The following ITGA1 variants were observed in gnomAD, a reference collection of about 807,000 sequenced individuals.
ITGA1 encodes the protein integrin alpha-1.
In ITGA1, 85 loss-of-function variants were observed where a neutral mutation model predicts 145.9. The ratio of observed to expected loss-of-function variants is 0.58; its 90% CI spans 0.49 to 0.70. The LOEUF is 0.70. ITGA1 is among the 30% of genes least tolerant of loss of function. The probability of loss-of-function intolerance (pLI) is 0.00; values close to 1 mark genes in which losing one functional copy is unlikely to be tolerated. For synonymous variants in ITGA1, 520 were observed against 495.3 expected, an observed-to-expected ratio of 1.05 and a Z score of -0.66; for missense variants, 1,351 against 1,418.7, an observed-to-expected ratio of 0.95 and a Z score of 0.77.
At chr5:52,837,519 TC>T (rs750478272) in intron 1 of ITGA1, among the ~76,000 whole-genome samples, 6 of 152,146 alleles carry the variant, frequency 3.9e-5, no homozygotes, top group Non-Finnish European at 5.9e-5. Flanking sequence ...TATTTTTTCC[TC>T]CCCTTCTCCC....
At chr5:52,869,252 C>T (rs1405957489) in intron 6 of ITGA1, among the ~76,000 whole-genome samples, 1 of 152,190 alleles carries the variant, frequency 6.6e-6, no homozygotes, top group Non-Finnish European at 1.5e-5. Flanking sequence ...CCTCCACCTT[C>T]TGGGTTCAAG....
intron 5 of ITGA1, 122 bp from the exon 6 acceptor site, chr5:52,865,568 G>A: frequency 1.4e-6 from 1 of 720,664 alleles, no homozygotes; most frequent in South Asian, 4.1e-5. Flanking sequence ...CTAAAACAAT[G>A]TGTCTACTTT....
Position 52,864,830 on chromosome 5 carries a change from C to A in ITGA1, c.363C>A (p.Thr121=). 6.2e-7 allele frequency: 1 copy of A among 1,610,200 alleles called. No homozygotes were observed. Among genetic ancestry groups the A allele is most frequent in the Non-Finnish European group, 8.5e-7 (1 of 1,176,818 alleles). Residue 121 remains threonine, a synonymous_variant, in exon 4 of 29, where the codon ACC becomes ACA. Transcript: ENST00000282588. ...TGACATTTGGATCAACTTTAGTCACCAACCCAAATGGAGGATTTCTGGTAA... is the reference window on the plus strand; with the variant it reads ...TGACATTTGGATCAACTTTAGTCACAAACCCAAATGGAGGATTTCTGGTAA... ...ENMTFGSTLV[T]NPNGGFLACG... is the part of the protein sequence containing the mutation.
At chr5:52,897,286 G>A (rs1750241114) in intron 9 of ITGA1, among the ~76,000 whole-genome samples, 169 bp from the exon 10 acceptor site, 1 of 152,144 alleles carries the variant, frequency 6.6e-6, no homozygotes, top group Admixed American at 6.5e-5. Context: ...TTCTACCCAG[G>A]CCTACCTAGA....
chr5:52,880,997 T>C (rs1233557890), intron 6 of ITGA1, among the ~76,000 whole-genome samples: 1 of 152,170 alleles, frequency 6.6e-6, no homozygotes, highest in Non-Finnish European at 1.5e-5. Flanking sequence ...CTGGGGGCAC[T>C]TTCCCTCCTG....
chr5:52,793,957 A>G (rs547326830), intron 1 of ITGA1, among the ~76,000 whole-genome samples: 36 of 152,224 alleles, frequency 2.4e-4, no homozygotes, highest in African/African-American at 7.2e-4. Context: ...ATATAGGAAG[A>G]AGACTAATTT....
At chr5:52,872,360 C>T (rs1371292510) in intron 6 of ITGA1, among the ~76,000 whole-genome samples, 1 of 152,076 alleles carries the variant, frequency 6.6e-6, no homozygotes, top group Admixed American at 6.6e-5. Flanking sequence ...AGCCTCTAGT[C>T]TCCATTCTCC....
chr5:52,915,511 G>A lies in ITGA1; in HGVS notation c.1905G>A (p.Gln635=), dbSNP rs1233865561. 22 of 1,613,932 alleles carry A rather than the reference G, an allele frequency of 1.4e-5. No individual in the cohort carries two copies. Among genetic ancestry groups the A allele is most frequent in the Middle Eastern group, 3.3e-4 (2 of 6,084 alleles). ...GDGKTLKFFG[Q]SIHGEMDLNG... ...GTAAGACACTGAAATTTTTTGGCCAGTCTATCCACGGAGAAATGGATTTAA... is the reference window on the plus strand; with the variant it reads ...GTAAGACACTGAAATTTTTTGGCCAATCTATCCACGGAGAAATGGATTTAA... Residue 635 remains glutamine, a synonymous_variant, in exon 15 of 29, where the codon CAG becomes CAA. Coordinates refer to ENST00000282588, the MANE Select transcript of ITGA1 (RefSeq NM_181501.2).
At chr5:52,803,277 A>G (rs1053091342) in intron 1 of ITGA1, 112 of 152,294 alleles carry the variant, frequency 7.4e-4, no homozygotes, top group African/African-American at 2.3e-3. Flanking sequence ...TTGTACATCT[A>G]TCTCCTAATT....
chr5:52,906,016 C>T (rs992119672), intron 12 of ITGA1, 108 bp downstream of exon 12: 15 of 902,300 alleles, frequency 1.7e-5, no homozygotes, highest in Middle Eastern at 3.5e-4. Flanking sequence ...TATTCAGTAA[C>T]AACTGGGAAC....
chr5:52,910,449 C>T (rs780362929), intron 14 of ITGA1, 30 bp downstream of exon 14: 26 of 1,598,328 alleles, frequency 1.6e-5, no homozygotes, highest in Non-Finnish European at 2.1e-5. Flanking sequence ...GATTCCCACC[C>T]TTCAGTGATA....
At chr5:52,869,467 G>A (rs556091084) in intron 6 of ITGA1, among the ~76,000 whole-genome samples, 1 of 152,248 alleles carries the variant, frequency 6.6e-6, no homozygotes, top group African/African-American at 2.4e-5. Context: ...GGCCCCATAT[G>A]ATTCTTAAAC....
At chr5:52,891,339 T>A (rs33980183) in intron 8 of ITGA1, among the ~76,000 whole-genome samples, 69,856 of 149,620 alleles carry the variant, frequency 0.47, 16,739 homozygotes, top group East Asian at 0.58. Flanking sequence ...TCACTTAGAT[T>A]GCCAATTCTT....
At chr5:52,884,757 C>T (rs1392918263) in intron 7 of ITGA1, among the ~76,000 whole-genome samples, 3 of 152,162 alleles carry the variant, frequency 2.0e-5, no homozygotes, top group African/African-American at 7.2e-5. Context: ...TTTCTATATT[C>T]TAAACACTTG....
chr5:52,902,067 A>G (rs986660448), intron 11 of ITGA1: 1 of 148,702 alleles, frequency 6.7e-6, no homozygotes, highest in Non-Finnish European at 1.5e-5. Context: ...GGGGGTCACA[A>G]ATTGAGAAGA....
intron 1 of ITGA1, among the ~76,000 whole-genome samples, chr5:52,839,429 G>A (rs1013075975): frequency 6.6e-6 from 1 of 152,136 alleles, no homozygotes; most frequent in African/African-American, 2.4e-5. Context: ...AGGGAGAATA[G>A]CTTTTGGCTC....
In ITGA1 at chr5:52,925,324, ACCTCAG is replaced by A. The variant is rs1228532963; in HGVS notation, c.2454_2459del (p.Ser819_Leu820del). ...GGAAATAAGGAAAAATGTATCTCAG[ACCTCAG>A]CCTGCATGTCGCCACCACTGAAAAG... On this transcript the variant is annotated inframe_deletion, in exon 19 of 29. Coordinates refer to ENST00000282588, the MANE Select transcript of ITGA1 (RefSeq NM_181501.2). The A allele has an allele frequency of 6.2e-7, 1 of 1,613,974 alleles. No individual in the cohort carries two copies. The highest frequency in any genetic ancestry group is 1.3e-5 in the African/African-American group (1 of 74,896).
rs1333581841 is a variant in ITGA1 at position 52,912,752 on chromosome 5, A to ATTTTT, written c.1857+2334_1857+2335insTTTTT. ...TGTGTGTGTGTGTGTATATATATAT[A>ATTTTT]TATTTTTTTTTTGAGACGGAGTCTC... On this transcript the variant is annotated intron_variant, in intron 14 of 28. Transcript: ENST00000282588. Among the ~76,000 whole-genome samples, 181 of 142,580 alleles carry ATTTTT rather than the reference A, an allele frequency of 1.3e-3. No individual in the cohort carries two copies. In the South Asian group the frequency reaches 0.025, roughly 20 times the overall value. 93.5% of individuals were successfully genotyped at this position (142,580 alleles called of 152,430 possible).
At position 52,910,220 on chromosome 5, in the gene ITGA1, G is replaced by T; in HGVS notation, c.1658G>T (p.Arg553Leu). Residue 553 changes from arginine (R) to leucine (L), a missense_variant, in exon 14 of 29, where the codon CGG (arginine) becomes CTG (leucine). Arg to Leu is a moderately radical substitution (Grantham distance 102). Coordinates refer to ENST00000282588, the MANE Select transcript of ITGA1 (RefSeq NM_181501.2). ...ATTAAGCAGACGTGCTGTTCATCTC[G>T]GCAGCACAATTCATGCACAACAGAA... ...EPIKQTCCSSRQHNSCTTENK... is the reference protein window; with the variant it reads ...EPIKQTCCSSLQHNSCTTENK... 1 of 1,613,778 alleles carries T rather than the reference G, an allele frequency of 6.2e-7. No homozygotes were observed. Among genetic ancestry groups the T allele is most frequent in the Non-Finnish European group, 8.5e-7 (1 of 1,179,796 alleles).
Sources: gnomAD v4.1 joint callset for allele counts (sites outside exome capture counted in the v4.1 genomes callset) on GRCh38, gnomAD v4.1.1 for gene constraint, MANE v1.5 for transcripts, NCBI Gene and HGNC (gene_info 2026-07-23, HGNC 2026-07-21) for gene names.